The following GCA variants were observed in gnomAD, a reference collection of about 807,000 sequenced individuals.
GCA encodes the protein grancalcin, EF-hand calcium-binding protein.
A neutral mutation model predicts 32.6 loss-of-function variants in GCA; 30 were observed. The ratio of observed to expected loss-of-function variants is 0.92; its 90% CI spans 0.69 to 1.25. The LOEUF (loss-of-function observed/expected upper bound fraction) is 1.25. GCA is among the 50% of genes most tolerant of loss of function. GCA has a pLI of 0.00. For missense variants in GCA, 291 were observed against 266.8 expected (o/e 1.09, Z -0.63); for synonymous variants, 102 against 84.6 (o/e 1.21, Z -1.13).
chr2:162,359,425 C>A, intron 6 of GCA, 69 bp from the exon 7 acceptor site: 3 of 688,646 alleles, frequency 4.4e-6, no homozygotes, highest in South Asian at 1.9e-5. Context: ...TTTTGTGTAC[C>A]TGGGTGCACT....
chr2:162,344,493 C>G lies in GCA; in HGVS notation c.27+218C>G, dbSNP rs1011043723. 3 of 579,758 alleles carry G rather than the reference C, an allele frequency of 5.2e-6. No homozygotes were observed. The East Asian group carries it at 8.5e-5, about 16-fold the overall frequency. 35.9% of individuals were successfully genotyped at this position (579,758 alleles called of 1,614,324 possible). ...AGGTTTTCTGGTCGTTGAGGACCCT[C>G]GAGGAGCGTCCTGGTGGAGCCGAGG... On this transcript the variant is annotated intron_variant, in intron 1 of 7. Coordinates refer to ENST00000437150, the MANE Select transcript of GCA (RefSeq NM_012198.5).
chr2:162,372,632 A>T (rs972028076), downstream of GCA, among the ~76,000 whole-genome samples: 1 of 152,182 alleles, frequency 6.6e-6, no homozygotes, highest in Non-Finnish European at 1.5e-5. Flanking sequence ...TTTCCTTCTG[A>T]CACATTACCT....
downstream of GCA, chr2:162,371,975 C>A (rs886918307): frequency 1.9e-6 from 3 of 1,613,828 alleles, no homozygotes; most frequent in Non-Finnish European, 2.5e-6. Context: ...AAAGAGAGAT[C>A]ACTGTCTTGT....
chr2:162,369,898 C>A (rs948449268), intron 4 of GCA, among the ~76,000 whole-genome samples: 1 of 152,140 alleles, frequency 6.6e-6, no homozygotes, highest in African/African-American at 2.4e-5. Context: ...ATCTGCATAA[C>A]ACCAAATAGT....
chr2:162,359,528 G>A lies in GCA; in HGVS notation c.603G>A (p.Gly201=). 1 of 1,547,556 alleles carries A rather than the reference G, an allele frequency of 6.5e-7. No individual in the cohort carries two copies. The highest frequency in any genetic ancestry group is 1.2e-5 in the South Asian group (1 of 86,034). ...FFRKRDHLQQ[G]SANFIYDDFL... ...GGAAAAGAGACCACTTGCAACAAGG[G>A]TCTGCGAATTTCATATATGACGATG... Residue 201 remains glycine, a synonymous_variant, in exon 7 of 8, where the codon GGG becomes GGA. Transcript: ENST00000437150.
Position 162,349,122 on chromosome 2 carries a change from T to TAA in GCA, c.192+1384_192+1385dup, listed in dbSNP as rs1684860141. ...TAATTGTGATAGTGTGGTCCTAATG[T>TAA]AAAAACAAACATAATACTGAAGAGC... On this transcript the variant is annotated intron_variant, in intron 2 of 7. Coordinates refer to ENST00000437150, the MANE Select transcript of GCA (RefSeq NM_012198.5). Among the ~76,000 whole-genome samples, 5 of 152,090 alleles carry TAA rather than the reference T, an allele frequency of 3.3e-5. No homozygotes were observed. In the South Asian group the frequency reaches 1.0e-3, roughly 32 times the overall value.
Position 162,361,477 on chromosome 2 carries a change from A to G in GCA, c.*1234A>G, listed in dbSNP as rs1000022905. The G allele has an allele frequency of 2.5e-5, 24 of 975,516 alleles. No homozygotes were observed. The highest frequency in any genetic ancestry group is 2.9e-5 in the Non-Finnish European group (24 of 821,248). 60.4% of individuals were successfully genotyped at this position (975,516 alleles called of 1,614,324 possible). A position where few individuals can be genotyped will look rare whatever the true frequency, so the allele number is the denominator to read the frequency against. ...GAGTGACATAATTTTATGACTGCTG[A>G]CCAAATTAATTTATAGATTTTATAA... On this transcript the variant is annotated 3_prime_UTR_variant, in exon 8 of 8. Transcript: ENST00000437150.
chr2:162,329,721 G>A (rs768359292), intron 1 of GCA, among the ~76,000 whole-genome samples: 2 of 151,734 alleles, frequency 1.3e-5, no homozygotes, highest in African/African-American at 2.4e-5. Context: ...ACATGTGCAG[G>A]TTTATTACAT....
chr2:162,356,513 A>G, intron 4 of GCA, 32 bp downstream of exon 4: 3 of 1,294,460 alleles, frequency 2.3e-6, no homozygotes, highest in Non-Finnish European at 3.4e-6. Context: ...AAATACTAGA[A>G]TAAAGAGTAA....
chr2:162,344,422 G>C, intron 1 of GCA, 147 bp downstream of exon 1: 2 of 739,096 alleles, frequency 2.7e-6, no homozygotes, highest in Non-Finnish European at 4.6e-6. Context: ...GGCTGTTGGG[G>C]GCCAGGGCCT....
intron 1 of GCA, among the ~76,000 whole-genome samples, chr2:162,328,267 C>T (rs1008865878): frequency 2.0e-5 from 3 of 151,142 alleles, no homozygotes; most frequent in Non-Finnish European, 4.4e-5. Context: ...TGGCATGTGC[C>T]TGTAATCACA....
Position 162,360,641 on chromosome 2 carries a change from T to C in GCA, c.*398T>C. ...TATCTGAAGGTTACAAATTAGACTT[T>C]TAAATTTTCTTTGTAGTTGGTGGTG... On this transcript the variant is annotated 3_prime_UTR_variant, in exon 8 of 8. Transcript: ENST00000437150. The C allele has an allele frequency of 8.0e-7, 1 of 1,250,516 alleles. No homozygotes were observed. Among genetic ancestry groups the C allele is most frequent in the East Asian group, 3.1e-5 (1 of 32,344 alleles). 77.5% of individuals were successfully genotyped at this position (1,250,516 alleles called of 1,614,324 possible).
chr2:162,319,852 G>A (rs1683601324), intron 1 of GCA, among the ~76,000 whole-genome samples: 1 of 152,228 alleles, frequency 6.6e-6, no homozygotes, highest in African/African-American at 2.4e-5. Flanking sequence ...AATAAAGTCT[G>A]TGTAGGCCAG....
upstream of GCA, among the ~76,000 whole-genome samples, chr2:162,340,678 C>G (rs1576273113): frequency 6.6e-6 from 1 of 152,170 alleles, no homozygotes; most frequent in Non-Finnish European, 1.5e-5. Flanking sequence ...GCATGATCTG[C>G]TCCAATGTCC....
Position 162,370,987 on chromosome 2 carries a change from C to T in GCA, c.366-319C>T, listed in dbSNP as rs546467296. 6.6e-5 allele frequency among the ~76,000 whole-genome samples: 10 copies of T among 151,958 alleles called. No individual in the cohort carries two copies. The South Asian group carries it at 8.3e-4, about 13-fold the overall frequency. ...TGCCATGTTGCCCAGGCTGTATGTC[C>T]GCTCAGGATTGCTTTAAAATGTGAA... On this transcript the variant is annotated intron_variant, in intron 4 of 4. Transcript: ENST00000414723.
chr2:162,358,230 G>A (rs1043625005), intron 5 of GCA, among the ~76,000 whole-genome samples: 28 of 151,486 alleles, frequency 1.8e-4, no homozygotes, highest in African/African-American at 6.3e-4. Flanking sequence ...AAATGCATAG[G>A]ACCATCTATA....
chr2:162,332,263 C>T (rs1372564695), intron 1 of GCA, among the ~76,000 whole-genome samples: 1 of 143,514 alleles, frequency 7.0e-6, no homozygotes, highest in South Asian at 2.2e-4. Flanking sequence ...GAGCCAAGAT[C>T]GCATCACTGC....
chr2:162,325,138 G>A (rs1683829626), intron 1 of GCA, among the ~76,000 whole-genome samples: 1 of 152,208 alleles, frequency 6.6e-6, no homozygotes, highest in Non-Finnish European at 1.5e-5. Flanking sequence ...ACCTGTTTCA[G>A]CCTGGTGAAA....
chr2:162,356,669 T>G (rs1405257461), intron 4 of GCA, 89 bp from the exon 5 acceptor site: 1 of 1,043,948 alleles, frequency 9.6e-7, no homozygotes, highest in Non-Finnish European at 1.4e-6. Flanking sequence ...TTTGGCTAAG[T>G]CTACAGAAGC....
Sources: allele counts gnomAD v4.1 joint callset (sites outside exome capture counted in the v4.1 genomes callset), GRCh38; gene constraint gnomAD v4.1.1; transcripts MANE v1.5; gene names NCBI Gene and HGNC (gene_info 2026-07-23, HGNC 2026-07-21).